Variants in MMRN1 observed in about 807,000 individuals in gnomAD.
MMRN1 encodes multimerin-1.
Under a neutral mutation model 100.7 loss-of-function variants are expected in MMRN1, and 94 were observed. The observed-to-expected ratio is 0.93, with a 90% CI of 0.79 to 1.11. The LOEUF is 1.11. Ranked by LOEUF, MMRN1 falls within the 50% of genes least tolerant of loss-of-function variation. MMRN1 has a pLI of 0.00. For missense variants in MMRN1, 1,606 were observed against 1,439.1 expected, an observed-to-expected ratio of 1.12 and a Z score of -1.88; for synonymous variants, 575 against 505.0, an observed-to-expected ratio of 1.14 and a Z score of -1.86.
In MMRN1 at chr4:89,935,427, A is replaced by T; in HGVS notation, c.1747A>T (p.Met583Leu). ...KINNLTVSLE[M>L]EKESLRGECE... ...TAACAATCTCACCGTCTCTTTGGAGATGGAGAAAGAGTCTCTCAGAGGTGA... is the reference window on the plus strand; with the variant it reads ...TAACAATCTCACCGTCTCTTTGGAGTTGGAGAAAGAGTCTCTCAGAGGTGA... Residue 583 changes from methionine (M) to leucine (L), a missense_variant, in exon 6 of 8, where the codon ATG becomes TTG. Coordinates refer to ENST00000264790, the MANE Select transcript of MMRN1 (RefSeq NM_007351.3). 1 of 1,613,468 alleles carries T rather than the reference A, an allele frequency of 6.2e-7. No homozygotes were observed. Among genetic ancestry groups the T allele is most frequent in the East Asian group, 2.2e-5 (1 of 44,776 alleles).
At chr4:89,909,529 T>C in intron 2 of MMRN1, 134 bp downstream of exon 2, 1 of 1,128,952 alleles carries the variant, frequency 8.9e-7, no homozygotes, top group Non-Finnish European at 1.2e-6. Context: ...TATGCTTTAG[T>C]AAGTGAAAAT....
intron 1 of MMRN1, among the ~76,000 whole-genome samples, chr4:89,887,373 G>A (rs1272702190): frequency 2.0e-5 from 3 of 152,012 alleles, no homozygotes; most frequent in Non-Finnish European, 4.4e-5. Flanking sequence ...AAAGTTGGAG[G>A]AATCATATTA....
intron 6 of MMRN1, among the ~76,000 whole-genome samples, chr4:89,946,795 C>G (rs1722998303): frequency 1.3e-5 from 2 of 152,030 alleles, no homozygotes. Flanking sequence ...ATATTAGGGT[C>G]CAGAAAGCAA....
chr4:89,953,260 A>C lies in MMRN1; in HGVS notation c.3529A>C (p.Ile1177Leu). Residue 1177 changes from isoleucine to leucine, a missense_variant, in exon 8 of 8, where the codon ATT becomes CTT. Coordinates refer to ENST00000264790, the MANE Select transcript of MMRN1 (RefSeq NM_007351.3). ...CAAGCTTGCATTTGAGTCTGAAAAT[A>C]TTAACAGTGAAATACACTGTGATAG... ...IDKLAFESENINSEIHCDRVL... is the reference protein window; with the variant it reads ...IDKLAFESENLNSEIHCDRVL... 4 of 1,613,820 alleles carry C rather than the reference A, an allele frequency of 2.5e-6. No individual in the cohort carries two copies. The East Asian group carries it at 8.9e-5, about 36-fold the overall frequency.
rs1186685252 is a variant in MMRN1 at position 89,940,394 on chromosome 4, A to G, written c.3118+3596A>G. Reference sequence around the variant, plus strand: ...GTACTCCCAAGAAAGATTACTTTCTATAAAACATTTGGTAGTGTTTTAAAA... The same window carrying G: ...GTACTCCCAAGAAAGATTACTTTCTGTAAAACATTTGGTAGTGTTTTAAAA... On this transcript the variant is annotated intron_variant, in intron 6 of 7. Transcript: ENST00000264790. Among the ~76,000 whole-genome samples the G allele has an allele frequency of 3.3e-5, 5 of 152,320 alleles. No homozygotes were observed. In the South Asian group the frequency reaches 6.2e-4, roughly 19 times the overall value.
chr4:89,934,806 C>G lies in MMRN1; in HGVS notation c.1130-4C>G. The G allele has an allele frequency of 7.1e-7, 1 of 1,411,074 alleles. No homozygotes were observed. Among genetic ancestry groups the G allele is most frequent in the Non-Finnish European group, 9.5e-7 (1 of 1,056,446 alleles). The allele number at this position is 1,411,074 out of a possible 1,614,324, so 87.4% of individuals were successfully genotyped here. On this transcript the variant is annotated splice_polypyrimidine_tract_variant and splice_region_variant and intron_variant, in intron 5 of 7. Coordinates refer to ENST00000264790, the MANE Select transcript of MMRN1 (RefSeq NM_007351.3). Reference sequence around the variant, plus strand: ...TATGTATTATTAATTATTTCTTTCTCTAGGTCTAAAATCCAAAAGCATTAA... The same window carrying G: ...TATGTATTATTAATTATTTCTTTCTGTAGGTCTAAAATCCAAAAGCATTAA...
chr4:89,894,867 G>A lies in MMRN1; in HGVS notation c.-105G>A. 6.7e-7 allele frequency: 1 copy of A among 1,487,366 alleles called. No homozygotes were observed. 92.1% of individuals were successfully genotyped at this position (1,487,366 alleles called of 1,614,324 possible). ...TGTTTCCTCTACACATCTCAAACTG[G>A]CAAAACTCAGTCTTAGCAGATTCAG... On this transcript the variant is annotated 5_prime_UTR_variant, in exon 1 of 8. Coordinates refer to ENST00000264790, the MANE Select transcript of MMRN1 (RefSeq NM_007351.3).
At position 89,909,262 on chromosome 4, in the gene MMRN1, A is replaced by G; in HGVS notation, c.624-14A>G. On this transcript the variant is annotated splice_polypyrimidine_tract_variant and intron_variant, in intron 1 of 7. Transcript: ENST00000264790. ...GACAACAGTTTTTTCCCTAACAATTATGATCTTCTTTAGGAATTGGTGTGC... is the reference window on the plus strand; with the variant it reads ...GACAACAGTTTTTTCCCTAACAATTGTGATCTTCTTTAGGAATTGGTGTGC... 6.4e-7 allele frequency: 1 copy of G among 1,572,240 alleles called. No homozygotes were observed. The highest frequency in any genetic ancestry group is 8.6e-7 in the Non-Finnish European group (1 of 1,161,028).
At chr4:89,946,660 T>TA (rs1222979993) in intron 6 of MMRN1, among the ~76,000 whole-genome samples, 4 of 152,064 alleles carry the variant, frequency 2.6e-5, no homozygotes, top group African/African-American at 7.2e-5. Context: ...GTAATTATAA[T>TA]AAAAAATGAC....
rs765205422 is a variant in MMRN1 at position 89,911,953 on chromosome 4, G to C, written c.753G>C (p.Lys251Asn). ...TTGCTCAACTCTCTAGATCTCAGAA[G>C]ATATCCAATCCTGTCTATAGGATGC... is the stretch of plus-strand genomic sequence containing the variant. ...TGGSCPQRSQ[K>N]ISNPVYRMQH... Residue 251 changes from lysine (K) to asparagine (N), a missense_variant, in exon 3 of 8, where the codon AAG becomes AAC. Coordinates refer to ENST00000264790, the MANE Select transcript of MMRN1 (RefSeq NM_007351.3). 6.3e-7 allele frequency: 1 copy of C among 1,590,416 alleles called. No individual in the cohort carries two copies. The highest frequency in any genetic ancestry group is 1.1e-5 in the South Asian group (1 of 89,358).
At chr4:89,950,485 A>G (rs1405912791) in intron 6 of MMRN1, among the ~76,000 whole-genome samples, 1 of 152,134 alleles carries the variant, frequency 6.6e-6, no homozygotes, top group Non-Finnish European at 1.5e-5. Flanking sequence ...ATTTTCCCTT[A>G]TATTGACATG....
At chr4:89,918,855 T>G (rs1172967327) in intron 3 of MMRN1, among the ~76,000 whole-genome samples, 1 of 151,860 alleles carries the variant, frequency 6.6e-6, no homozygotes, top group African/African-American at 2.4e-5. Context: ...TCATATGTAT[T>G]ACTACATTAC....
upstream of MMRN1, among the ~76,000 whole-genome samples, chr4:89,893,808 G>A (rs768978310): frequency 6.6e-6 from 1 of 152,110 alleles, no homozygotes; most frequent in African/African-American, 2.4e-5. Context: ...ATGAGTGAAT[G>A]AATGAATGAA....
In MMRN1 at chr4:89,935,514, G is replaced by A; in HGVS notation, c.1834G>A (p.Glu612Lys). 1 of 1,613,390 alleles carries A rather than the reference G, an allele frequency of 6.2e-7. No individual in the cohort carries two copies. The highest frequency in any genetic ancestry group is 8.5e-7 in the Non-Finnish European group (1 of 1,179,708). ...TAAATTTCAACTTAAGGACACAGAA[G>A]AGAATTTACATGTGTTAAATCAAAC... ...DFKFQLKDTE[E>K]NLHVLNQTLA... The change falls in exon 6 of 8, where the codon GAG becomes AAG. Residue 612 changes from glutamate (E) to lysine (K), a missense_variant. Glu to Lys is a moderately conservative substitution (Grantham distance 56). Coordinates refer to ENST00000264790, the MANE Select transcript of MMRN1 (RefSeq NM_007351.3).
At chr4:89,921,948 T>G (rs1722101987) in intron 3 of MMRN1, among the ~76,000 whole-genome samples, 1 of 152,188 alleles carries the variant, frequency 6.6e-6, no homozygotes, top group South Asian at 2.1e-4. Flanking sequence ...TAAACTCACC[T>G]GGGAAGAAGC....
intron 1 of MMRN1, among the ~76,000 whole-genome samples, chr4:89,884,455 A>G (rs1208487641): frequency 6.6e-6 from 1 of 152,138 alleles, no homozygotes; most frequent in Non-Finnish European, 1.5e-5. Flanking sequence ...TGCCATTATA[A>G]ATGGAACTTT....
intron 4 of MMRN1, among the ~76,000 whole-genome samples, chr4:89,926,342 C>T (rs980011913): frequency 4.0e-5 from 6 of 151,826 alleles, no homozygotes; most frequent in Non-Finnish European, 8.8e-5. Context: ...GAGATGATAT[C>T]GCATAGTAGT....
intron 1 of MMRN1, among the ~76,000 whole-genome samples, chr4:89,908,947 T>C (rs1399642140): frequency 6.6e-6 from 1 of 151,406 alleles, no homozygotes; most frequent in Non-Finnish European, 1.5e-5. Context: ...GAGTTTTTTA[T>C]CTCAGTACTA....
At chr4:89,930,503 C>T (rs561626255) in intron 5 of MMRN1, among the ~76,000 whole-genome samples, 2 of 151,770 alleles carry the variant, frequency 1.3e-5, no homozygotes, top group African/African-American at 4.8e-5. Context: ...TCATTGTCCA[C>T]AACTAATAAA....
Sources: allele counts gnomAD v4.1 joint callset (sites outside exome capture counted in the v4.1 genomes callset), GRCh38; gene constraint gnomAD v4.1.1; transcripts MANE v1.5; gene names NCBI Gene and HGNC (gene_info 2026-07-23, HGNC 2026-07-21).